CSMD3: variants seen among roughly 807,000 people sequenced by gnomAD.
CSMD3 encodes the protein CUB and sushi domain-containing protein 3.
In CSMD3, 177 loss-of-function variants were observed where a neutral mutation model predicts 435.2. The ratio of observed to expected loss-of-function variants is 0.41; its 90% CI spans 0.36 to 0.46. The LOEUF is 0.46. CSMD3 is among the 20% of genes least tolerant of loss of function. The pLI is 0.34. For missense variants in CSMD3, 4,265 were observed against 4,504.6 expected (o/e 0.95, Z 1.52); for synonymous variants, 1,656 against 1,520.5 (o/e 1.09, Z -2.07).
At chr8:112,975,768 A>G in intron 7 of CSMD3, 69 bp downstream of exon 7, 1 of 1,609,194 alleles carries the variant, frequency 6.2e-7, no homozygotes, top group South Asian at 1.1e-5. Flanking sequence ...TCATTCTCTA[A>G]TTAGAATCAT....
At chr8:112,879,950 T>G (rs1428718868) in intron 10 of CSMD3, among the ~76,000 whole-genome samples, 1 of 151,896 alleles carries the variant, frequency 6.6e-6, no homozygotes, top group Non-Finnish European at 1.5e-5. Context: ...GGCATAACAT[T>G]AGGAGAAATA....
chr8:113,334,833 T>A (rs2094058710), intron 1 of CSMD3, among the ~76,000 whole-genome samples: 1 of 152,100 alleles, frequency 6.6e-6, no homozygotes, highest in African/African-American at 2.4e-5. Flanking sequence ...TCTTAAGTTG[T>A]CCAATTGATG....
chr8:113,196,104 C>A (rs1414068556), intron 3 of CSMD3, among the ~76,000 whole-genome samples: 2 of 150,938 alleles, frequency 1.3e-5, no homozygotes, highest in Non-Finnish European at 3.0e-5. Flanking sequence ...TCTAATTTTT[C>A]TCTTGCATGA....
At chr8:113,219,728 C>T (rs2132122624) in intron 3 of CSMD3, among the ~76,000 whole-genome samples, 1 of 151,452 alleles carries the variant, frequency 6.6e-6, no homozygotes, top group Admixed American at 6.6e-5. Flanking sequence ...TTCCTCTATA[C>T]TGGGTATAGG....
At chr8:113,067,160 T>G (rs1299031779) in intron 5 of CSMD3, among the ~76,000 whole-genome samples, 1 of 152,152 alleles carries the variant, frequency 6.6e-6, no homozygotes, top group Non-Finnish European at 1.5e-5. Flanking sequence ...ATGGAAATTT[T>G]AAATTCCCTT....
At chr8:112,405,026 A>G (rs1028644181) in intron 35 of CSMD3, among the ~76,000 whole-genome samples, 1 of 150,184 alleles carries the variant, frequency 6.7e-6, no homozygotes, top group African/African-American at 2.5e-5. Flanking sequence ...GTATTTTGTA[A>G]AAATACAAAA....
At chr8:112,355,986 C>T (rs1826566082) in intron 38 of CSMD3, among the ~76,000 whole-genome samples, 1 of 152,044 alleles carries the variant, frequency 6.6e-6, no homozygotes, top group Non-Finnish European at 1.5e-5. Flanking sequence ...CAGTAAGATA[C>T]CGTCCCACAC....
chr8:112,450,140 T>C (rs1188739680), intron 32 of CSMD3, among the ~76,000 whole-genome samples: 2 of 152,186 alleles, frequency 1.3e-5, no homozygotes, highest in Non-Finnish European at 2.9e-5. Context: ...AATAAGTCTA[T>C]AAGATTATTC....
At chr8:112,783,365 CA>C (rs2078442059) in intron 13 of CSMD3, among the ~76,000 whole-genome samples, 1 of 145,724 alleles carries the variant, frequency 6.9e-6, no homozygotes, top group Admixed American at 7.0e-5. Context: ...AACATACCAT[CA>C]GAGAAAATCA....
chr8:112,303,565 C>CAAAA, intron 52 of CSMD3, among the ~76,000 whole-genome samples: 1 of 151,738 alleles, frequency 6.6e-6, no homozygotes, highest in East Asian at 1.9e-4. Context: ...AAAAAACAAA[C>CAAAA]AAACAAACAA....
intron 27 of CSMD3, among the ~76,000 whole-genome samples, chr8:112,547,166 C>T (rs960606561): frequency 6.6e-6 from 1 of 152,068 alleles, no homozygotes; most frequent in Non-Finnish European, 1.5e-5. Flanking sequence ...TGGTTTGTGC[C>T]TATTGCTGAG....
intron 3 of CSMD3, among the ~76,000 whole-genome samples, chr8:113,242,926 T>C (rs1181781908): frequency 1.3e-5 from 2 of 151,970 alleles, no homozygotes; most frequent in East Asian, 1.9e-4. Flanking sequence ...TCTGGCTTTC[T>C]ATAAATTTAA....
intron 1 of CSMD3, among the ~76,000 whole-genome samples, chr8:113,433,228 G>C (rs1480751257): frequency 1.3e-5 from 2 of 152,140 alleles, no homozygotes; most frequent in Non-Finnish European, 2.9e-5. Flanking sequence ...AAAAGACATT[G>C]ATTTCCCTTC....
At chr8:112,639,715 A>G (rs2074766496) in intron 20 of CSMD3, among the ~76,000 whole-genome samples, 1 of 152,104 alleles carries the variant, frequency 6.6e-6, no homozygotes, top group African/African-American at 2.4e-5. Context: ...TTTACTCAGC[A>G]TTAGGTATGT....
At chr8:113,314,521 T>G (rs2093894682) in intron 2 of CSMD3, 50 bp downstream of exon 2, 1 of 1,140,160 alleles carries the variant, frequency 8.8e-7, no homozygotes, top group Non-Finnish European at 1.3e-6. Context: ...ATAAACTACT[T>G]TTACCCAGGA....
intron 7 of CSMD3, among the ~76,000 whole-genome samples, chr8:112,973,198 T>C (rs2084722139): frequency 6.6e-6 from 1 of 151,992 alleles, no homozygotes; most frequent in Non-Finnish European, 1.5e-5. Flanking sequence ...AGAGTAGTGT[T>C]ATACGACTGG....
At chr8:112,857,914 T>C (rs1013895681) in intron 11 of CSMD3, among the ~76,000 whole-genome samples, 3 of 151,704 alleles carry the variant, frequency 2.0e-5, no homozygotes, top group Non-Finnish European at 3.0e-5. Flanking sequence ...ATTGAACTGA[T>C]GACACAGGTT....
At chr8:112,514,110 C>A (rs907888245) in intron 28 of CSMD3, among the ~76,000 whole-genome samples, 1 of 152,086 alleles carries the variant, frequency 6.6e-6, no homozygotes, top group Admixed American at 6.6e-5. Flanking sequence ...CCAGTCTCAT[C>A]TCAAACTCCT....
chr8:113,212,121 G>T (rs2092842975), intron 3 of CSMD3, among the ~76,000 whole-genome samples: 1 of 152,100 alleles, frequency 6.6e-6, no homozygotes, highest in Admixed American at 6.6e-5. Context: ...AAAAGTTTAT[G>T]GAGCTGCTGG....
Sources: gnomAD v4.1 joint callset for allele counts (sites outside exome capture counted in the v4.1 genomes callset) on GRCh38, gnomAD v4.1.1 for gene constraint, MANE v1.5 for transcripts, NCBI Gene and HGNC (gene_info 2026-07-23, HGNC 2026-07-21) for gene names.